The following SLIT3 variants were observed in gnomAD, a reference collection of about 807,000 sequenced individuals.
SLIT3 encodes slit homolog 3 protein.
A neutral mutation model predicts 184.0 loss-of-function variants in SLIT3; 68 were observed. That is an observed-to-expected ratio of 0.37 (90% CI 0.30 to 0.45). The LOEUF is 0.45. Among genes scored for constraint, SLIT3 ranks in the 20% least tolerant of loss-of-function variants. SLIT3 has a pLI of 1.00. For synonymous variants in SLIT3, 831 were observed against 828.6 expected (o/e 1.00, Z -0.05); for missense variants, 1,707 against 2,026.0 (o/e 0.84, Z 3.02).
chr5:168,800,228 T>C (rs948624876), intron 9 of SLIT3, among the ~76,000 whole-genome samples: 1 of 152,224 alleles, frequency 6.6e-6, no homozygotes, highest in Non-Finnish European at 1.5e-5. Context: ...TGGGCCCACC[T>C]TCTGGGGCAG....
chr5:169,144,348 T>A lies in SLIT3; in HGVS notation c.413+49131A>T, dbSNP rs546589286. Among the ~76,000 whole-genome samples, 4 of 152,320 alleles carry A rather than the reference T, an allele frequency of 2.6e-5. No individual in the cohort carries two copies. In the South Asian group the frequency reaches 6.2e-4, roughly 24 times the overall value. ...TGTCGGGGCCATCTTTCCTCATTAC[T>A]GTCATGGCCCCTGCTTTACGTTCCC... On this transcript the variant is annotated intron_variant, in intron 4 of 35. Coordinates refer to ENST00000519560, the MANE Select transcript of SLIT3 (RefSeq NM_003062.4).
At chr5:169,044,266 A>G (rs1277007704) in intron 4 of SLIT3, among the ~76,000 whole-genome samples, 1 of 152,198 alleles carries the variant, frequency 6.6e-6, no homozygotes. Flanking sequence ...TTACCATGTG[A>G]CCCAGTAATC....
chr5:168,666,342 A>T lies in SLIT3; in HGVS notation c.*112T>A. ...TATACTTAATATTCTCTTCTTCTTT[A>T]CCTTCCTCTCCAGCTTCATTTCCTT... is the stretch of plus-strand genomic sequence containing the variant. On this transcript the variant is annotated 3_prime_UTR_variant, in exon 36 of 36. Transcript: ENST00000519560. 9.8e-7 allele frequency: 1 copy of T among 1,017,476 alleles called. No individual in the cohort carries two copies. The highest frequency in any genetic ancestry group is 1.4e-6 in the Non-Finnish European group (1 of 735,348). The allele number at this position is 1,017,476 out of a possible 1,614,324, so 63.0% of individuals were successfully genotyped here. A position where few individuals can be genotyped will look rare whatever the true frequency, so the allele number is the denominator to read the frequency against.
intron 4 of SLIT3, among the ~76,000 whole-genome samples, chr5:169,077,353 T>C (rs1388082390): frequency 6.6e-6 from 1 of 151,958 alleles, no homozygotes; most frequent in Non-Finnish European, 1.5e-5. Context: ...CTGGCCAAGA[T>C]GGTGAAAACC....
At chr5:168,870,480 A>C (rs914402488) in intron 5 of SLIT3, among the ~76,000 whole-genome samples, 8 of 152,126 alleles carry the variant, frequency 5.3e-5, no homozygotes, top group Non-Finnish European at 1.0e-4. Flanking sequence ...TCAGACCCTC[A>C]ACCTTGGAGT....
intron 9 of SLIT3, among the ~76,000 whole-genome samples, 176 bp downstream of exon 9, chr5:168,806,270 G>A (rs1756953709): frequency 6.6e-6 from 1 of 152,182 alleles, no homozygotes; most frequent in Admixed American, 6.5e-5. Flanking sequence ...CTATGCTCTT[G>A]ACCACCAAGC....
At chr5:169,297,784 T>C (rs1009049402) in intron 1 of SLIT3, among the ~76,000 whole-genome samples, 2 of 152,184 alleles carry the variant, frequency 1.3e-5, no homozygotes, top group Admixed American at 6.5e-5. Context: ...ATACAGTTTC[T>C]GGAATGCAGT....
intron 3 of SLIT3, among the ~76,000 whole-genome samples, chr5:169,216,561 T>C (rs1164150183): frequency 6.6e-6 from 1 of 152,190 alleles, no homozygotes; most frequent in Admixed American, 6.5e-5. Flanking sequence ...GAAAACACTT[T>C]CTTTGGCTGA....
chr5:168,999,697 T>C (rs1354260917), intron 4 of SLIT3, among the ~76,000 whole-genome samples: 1 of 152,202 alleles, frequency 6.6e-6, no homozygotes, highest in Non-Finnish European at 1.5e-5. Context: ...ACAGCCCAAG[T>C]CCCTGCCTCA....
chr5:169,151,294 C>T (rs1025250648), intron 4 of SLIT3, among the ~76,000 whole-genome samples: 5 of 152,168 alleles, frequency 3.3e-5, no homozygotes, highest in Non-Finnish European at 2.9e-5. Flanking sequence ...TTTCCCTCTA[C>T]CCTGAGTGGT....
chr5:169,117,168 G>A (rs1300672747), intron 4 of SLIT3, among the ~76,000 whole-genome samples: 1 of 152,182 alleles, frequency 6.6e-6, no homozygotes, highest in Non-Finnish European at 1.5e-5. Context: ...CAAGAAAGGT[G>A]TGTGTGCCTG....
chr5:169,248,914 C>T (rs754100349), intron 2 of SLIT3, among the ~76,000 whole-genome samples: 15 of 152,182 alleles, frequency 9.9e-5, no homozygotes, highest in Non-Finnish European at 1.9e-4. Flanking sequence ...TGGGTTGAGA[C>T]TGAAGTTCCT....
At chr5:169,028,378 G>C (rs1381887377) in intron 4 of SLIT3, among the ~76,000 whole-genome samples, 10 of 152,128 alleles carry the variant, frequency 6.6e-5, no homozygotes, top group African/African-American at 2.4e-4. Context: ...GGCTGTGTAG[G>C]CTCCCACAAA....
At chr5:168,856,806 T>TGTGCGCGCGCGCGC (rs374432432) in intron 5 of SLIT3, among the ~76,000 whole-genome samples, 6 of 137,822 alleles carry the variant, frequency 4.4e-5, no homozygotes, top group African/African-American at 1.4e-4. Context: ...TGTGTGTGTG[T>TGTGCGCGCGCGCGC]GCGCGCGCGC....
At chr5:168,920,311 C>G (rs1039419472) in intron 4 of SLIT3, among the ~76,000 whole-genome samples, 3 of 152,140 alleles carry the variant, frequency 2.0e-5, no homozygotes, top group Non-Finnish European at 4.4e-5. Context: ...CCTCTAACCC[C>G]TTCCGGGCAG....
intron 4 of SLIT3, among the ~76,000 whole-genome samples, chr5:169,113,908 C>G (rs6891347): frequency 0.26 from 40,277 of 151,998 alleles, 6,060 homozygotes; most frequent in Middle Eastern, 0.35. Flanking sequence ...CCCGTCTCAG[C>G]CTCCCAAAGT....
intron 4 of SLIT3, among the ~76,000 whole-genome samples, chr5:169,076,879 G>T (rs1283228180): frequency 2.6e-5 from 4 of 152,008 alleles, no homozygotes; most frequent in Admixed American, 6.6e-5. Flanking sequence ...AAGTACTTAG[G>T]ATATAATAAA....
At chr5:168,850,468 T>C (rs1160094610) in intron 5 of SLIT3, among the ~76,000 whole-genome samples, 2 of 152,256 alleles carry the variant, frequency 1.3e-5, no homozygotes, top group African/African-American at 4.8e-5. Context: ...TCCATGTAAA[T>C]ACAAATATAT....
At chr5:168,942,526 T>A (rs144264087) in intron 4 of SLIT3, among the ~76,000 whole-genome samples, 1 of 152,194 alleles carries the variant, frequency 6.6e-6, no homozygotes, top group African/African-American at 2.4e-5. Flanking sequence ...GGAAGAGGGG[T>A]AGACAGAATC....
Sources: gnomAD v4.1 joint callset for allele counts (sites outside exome capture counted in the v4.1 genomes callset) on GRCh38, gnomAD v4.1.1 for gene constraint, MANE v1.5 for transcripts, NCBI Gene and HGNC (gene_info 2026-07-23, HGNC 2026-07-21) for gene names.